The following G2E3 variants were observed in gnomAD, a reference collection of about 807,000 sequenced individuals.
The protein encoded by G2E3 is G2/M phase-specific E3 ubiquitin-protein ligase.
A neutral mutation model predicts 92.8 loss-of-function variants in G2E3; 35 were observed. The observed-to-expected ratio is 0.38, with a 90% CI of 0.29 to 0.50. The LOEUF (loss-of-function observed/expected upper bound fraction) is 0.50, where lower values mean the gene tolerates loss of function less well. Among genes scored for constraint, G2E3 ranks in the 20% least tolerant of loss-of-function variants. G2E3 has a pLI of 0.94. For missense variants in G2E3, 554 were observed against 823.8 expected (o/e 0.67, Z 4.01); for synonymous variants, 242 against 272.4 (o/e 0.89, Z 1.10).
chr14:30,566,132 G>C (rs1879423257), intron 1 of G2E3, among the ~76,000 whole-genome samples: 1 of 152,252 alleles, frequency 6.6e-6, no homozygotes, highest in Admixed American at 6.5e-5. Flanking sequence ...GTCTGTCCTT[G>C]TGCCAGTACC....
chr14:30,567,582 C>T (rs2138772106), intron 1 of G2E3, among the ~76,000 whole-genome samples: 1 of 151,536 alleles, frequency 6.6e-6, no homozygotes, highest in East Asian at 1.9e-4. Flanking sequence ...TCAATTTTGT[C>T]GATCTTCTCA....
intron 1 of G2E3, among the ~76,000 whole-genome samples, chr14:30,575,810 A>C (rs942102458): frequency 2.6e-5 from 4 of 152,224 alleles, no homozygotes; most frequent in Non-Finnish European, 5.9e-5. Context: ...ACAGCTAACA[A>C]GGGAGGTGAA....
chr14:30,592,422 A>G lies in G2E3; in HGVS notation c.337A>G (p.Ile113Val), dbSNP rs145527124. 3,893 of 1,587,844 alleles carry G rather than the reference A, an allele frequency of 2.5e-3. 11 individuals carry two copies. Among genetic ancestry groups the G allele is most frequent in the Non-Finnish European group, 3.0e-3 (3,517 of 1,171,046 alleles). The change falls in exon 5 of 15, where the codon ATT becomes GTT. Residue 113 changes from isoleucine (I) to valine (V), a missense_variant. Coordinates refer to ENST00000206595, the MANE Select transcript of G2E3 (RefSeq NM_017769.5). Reference sequence around the variant, plus strand: ...CCCATGTGGACTTCAGAGAGAATGTATTTTCCAGTTTACTGGCAATTTTGC... The same window carrying G: ...CCCATGTGGACTTCAGAGAGAATGTGTTTTCCAGTTTACTGGCAATTTTGC... ...HFPCGLQREC[I>V]FQFTGNFASF...
intron 5 of G2E3, among the ~76,000 whole-genome samples, chr14:30,592,818 T>C: frequency 6.6e-6 from 1 of 152,154 alleles, no homozygotes; most frequent in East Asian, 1.9e-4. Flanking sequence ...GCATTTCGAG[T>C]AAATCAAAGG....
chr14:30,606,665 A>G (rs1338227216), intron 11 of G2E3, among the ~76,000 whole-genome samples: 1 of 152,132 alleles, frequency 6.6e-6, no homozygotes, highest in Non-Finnish European at 1.5e-5. Flanking sequence ...ATCCTTAATT[A>G]CTTACTCTCT....
At chr14:30,606,959 T>TC (rs1156911017) in intron 11 of G2E3, among the ~76,000 whole-genome samples, 1 of 152,134 alleles carries the variant, frequency 6.6e-6, no homozygotes, top group Non-Finnish European at 1.5e-5. Flanking sequence ...TTAAAAATGT[T>TC]CCTATCCTTT....
At chr14:30,580,963 A>G (rs907183062) in intron 1 of G2E3, 113 bp from the exon 2 acceptor site, 13 of 676,290 alleles carry the variant, frequency 1.9e-5, no homozygotes, top group South Asian at 1.8e-4. Flanking sequence ...AAAAATTTAA[A>G]TACTAGAGTA....
At position 30,601,840 on chromosome 14, in the gene G2E3, T is replaced by G; in HGVS notation, c.823T>G (p.Ser275Ala). Residue 275 changes from serine (S) to alanine (A), a missense_variant, in exon 9 of 15, where the codon TCA (serine) becomes GCA (alanine). Around this residue, in one of 3 missense-constraint regions of G2E3, gnomAD observed 397 missense variants for 560.3 expected, o/e 0.71. Transcript: ENST00000206595. Reference sequence around the variant, plus strand: ...ACATTTAGCCTGCTCCTCATTACGGTCATGGGAGCAAAATTGGGAGTGTTT... The same window carrying G: ...ACATTTAGCCTGCTCCTCATTACGGGCATGGGAGCAAAATTGGGAGTGTTT... ...GTHLACSSLRSWEQNWECLEC... is the reference protein window; with the variant it reads ...GTHLACSSLRAWEQNWECLEC... The G allele has an allele frequency of 6.2e-7, 1 of 1,613,114 alleles. No homozygotes were observed. The highest frequency in any genetic ancestry group is 8.5e-7 in the Non-Finnish European group (1 of 1,179,076).
At chr14:30,609,800 CAAGCTGTCTTGGAG>C (rs1232832169) in intron 12 of G2E3, among the ~76,000 whole-genome samples, 4 of 152,086 alleles carry the variant, frequency 2.6e-5, no homozygotes, top group African/African-American at 9.7e-5. Context: ...TTCTTACTTC[CAAGCTGTCTTGGAG>C]AGTCATTTTC....
At chr14:30,582,768 TA>T (rs1054832419) in intron 2 of G2E3, among the ~76,000 whole-genome samples, 1 of 152,188 alleles carries the variant, frequency 6.6e-6, no homozygotes, top group Non-Finnish European at 1.5e-5. Context: ...TGAAATCTTT[TA>T]AAGGGTTAGG....
chr14:30,586,829 A>G lies in G2E3; in HGVS notation c.135+14A>G, dbSNP rs373587098. ...TACTACTGTTTGGTGAGTATAATTTATAATTAAATTCTAGAAATTTGGTGT... is the reference window on the plus strand; with the variant it reads ...TACTACTGTTTGGTGAGTATAATTTGTAATTAAATTCTAGAAATTTGGTGT... On this transcript the variant is annotated intron_variant, in intron 3 of 14. Coordinates refer to ENST00000206595, the MANE Select transcript of G2E3 (RefSeq NM_017769.5). 1.9e-5 allele frequency: 17 copies of G among 874,800 alleles called. No individual in the cohort carries two copies. Among genetic ancestry groups the G allele is most frequent in the Non-Finnish European group, 2.6e-5 (15 of 586,390 alleles). 54.2% of individuals were successfully genotyped at this position (874,800 alleles called of 1,614,324 possible).
chr14:30,581,076 TA>T lies in G2E3; in HGVS notation c.1del. ...ACTGTATTAATGTTATTTTTCCTAG[TA>T]AAATGAATGAAAGTAAACCTGGTGA... is the stretch of plus-strand genomic sequence containing the variant. On this transcript the variant is annotated splice_region_variant and 5_prime_UTR_variant, in exon 2 of 15. Coordinates refer to ENST00000206595, the MANE Select transcript of G2E3 (RefSeq NM_017769.5). 6.9e-7 allele frequency: 1 copy of T among 1,459,182 alleles called. No homozygotes were observed. Among genetic ancestry groups the T allele is most frequent in the Non-Finnish European group, 9.6e-7 (1 of 1,041,384 alleles). 90.4% of individuals were successfully genotyped at this position (1,459,182 alleles called of 1,614,324 possible).
rs145352220 is a variant in G2E3, at chr14:30,602,056, C to G, written c.935C>G (p.Thr312Arg). The G allele has an allele frequency of 5.6e-6, 9 of 1,611,088 alleles. No individual in the cohort carries two copies. The highest frequency in any genetic ancestry group is 7.6e-6 in the Non-Finnish European group (9 of 1,177,598). The stretch of plus-strand genomic sequence containing the variant: ...CCCAATTCTAATAATGTGGGGATTA[C>G]AGATTGTTTGTTGGAAGAGTCATCA... ...VLPNSNNVGI[T>R]DCLLEESSPK... The change falls in exon 10 of 15, where the codon ACA becomes AGA. Residue 312 changes from threonine (T) to arginine (R), a missense_variant. Coordinates refer to ENST00000206595, the MANE Select transcript of G2E3 (RefSeq NM_017769.5).
At chr14:30,565,306 A>G (rs571833867) in intron 1 of G2E3, among the ~76,000 whole-genome samples, 4 of 152,050 alleles carry the variant, frequency 2.6e-5, no homozygotes, top group African/African-American at 9.6e-5. Flanking sequence ...GTTCATTTTT[A>G]AGTTGGATTA....
chr14:30,574,278 A>G (rs1455229808), intron 1 of G2E3, among the ~76,000 whole-genome samples: 1 of 152,208 alleles, frequency 6.6e-6, no homozygotes, highest in Non-Finnish European at 1.5e-5. Flanking sequence ...AACTTAGCAT[A>G]AATACAATAC....
At chr14:30,591,621 A>G (rs116872664) in intron 4 of G2E3, among the ~76,000 whole-genome samples, 661 of 152,184 alleles carry the variant, frequency 4.3e-3, no homozygotes, top group Non-Finnish European at 7.4e-3. Flanking sequence ...CATAACTCCA[A>G]TCTGTTTCTA....
intron 4 of G2E3, among the ~76,000 whole-genome samples, chr14:30,589,714 A>C (rs567577014): frequency 6.6e-6 from 1 of 152,174 alleles, no homozygotes; most frequent in South Asian, 2.1e-4. Flanking sequence ...TCACTTCCTT[A>C]TCTTATTCCA....
rs1224774964 is a variant in G2E3 at position 30,612,356 on chromosome 14, G to GA, written c.1651dup (p.Arg551LysfsTer7). On this transcript the variant is annotated frameshift_variant, in exon 13 of 15. Coordinates refer to ENST00000206595, the MANE Select transcript of G2E3 (RefSeq NM_017769.5). LOFTEE classifies it high-confidence loss of function. The stretch of plus-strand genomic sequence containing the variant: ...ACATACTTGGCTACCATGTAATTCA[G>GA]AGAGTCCACACACCCTTTGAAAGGT... The GA allele has an allele frequency of 6.2e-7, 1 of 1,603,842 alleles. No homozygotes were observed. Among genetic ancestry groups the GA allele is most frequent in the Non-Finnish European group, 8.5e-7 (1 of 1,173,386 alleles).
chr14:30,600,982 TC>T (rs1374989445), intron 8 of G2E3, among the ~76,000 whole-genome samples: 1 of 152,172 alleles, frequency 6.6e-6, no homozygotes, highest in Non-Finnish European at 1.5e-5. Flanking sequence ...AGCTGTTTCT[TC>T]CTCCGCACTG....
Sources: allele counts gnomAD v4.1 joint callset (sites outside exome capture counted in the v4.1 genomes callset), GRCh38; gene constraint gnomAD v4.1.1; regional missense constraint gnomAD v4.1.1; transcripts MANE v1.5; gene names NCBI Gene and HGNC (gene_info 2026-07-23, HGNC 2026-07-21).